The following JAZF1 variants were observed in gnomAD, a reference collection of about 807,000 sequenced individuals.
JAZF1 encodes the protein JAZF zinc finger 1.
A neutral mutation model predicts 26.4 loss-of-function variants in JAZF1; 8 were observed. The ratio of observed to expected loss-of-function variants is 0.30; its 90% CI spans 0.18 to 0.55. The LOEUF (loss-of-function observed/expected upper bound fraction) is 0.55. JAZF1 is among the 20% of genes least tolerant of loss of function. JAZF1 has a pLI of 0.94. For synonymous variants in JAZF1, 126 were observed against 122.3 expected, an observed-to-expected ratio of 1.03 and a Z score of -0.20; for missense variants, 199 against 322.0, an observed-to-expected ratio of 0.62 and a Z score of 2.92.
intron 1 of JAZF1, among the ~76,000 whole-genome samples, chr7:28,003,841 G>A (rs900776461): frequency 5.3e-5 from 8 of 152,008 alleles, no homozygotes; most frequent in African/African-American, 1.9e-4. Flanking sequence ...TATAAATTTA[G>A]GACAAGCTGG....
chr7:27,871,849 C>T (rs1230724493), intron 3 of JAZF1, among the ~76,000 whole-genome samples: 3 of 152,104 alleles, frequency 2.0e-5, no homozygotes, highest in South Asian at 2.1e-4. Flanking sequence ...GACTGTCACA[C>T]GAGAACTGTC....
At chr7:28,033,310 T>C (rs1050740289) in intron 1 of JAZF1, among the ~76,000 whole-genome samples, 12 of 152,154 alleles carry the variant, frequency 7.9e-5, no homozygotes, top group Admixed American at 3.3e-4. Flanking sequence ...TAGTGTGTAA[T>C]GTGGATAAAG....
chr7:27,959,717 T>C (rs1785158354), intron 2 of JAZF1, among the ~76,000 whole-genome samples: 1 of 151,654 alleles, frequency 6.6e-6, no homozygotes, highest in Non-Finnish European at 1.5e-5. Flanking sequence ...CTGACCAACA[T>C]GGCGAAACAC....
intron 3 of JAZF1, among the ~76,000 whole-genome samples, chr7:27,889,017 C>G (rs764190226): frequency 3.3e-5 from 5 of 152,162 alleles, no homozygotes; most frequent in Non-Finnish European, 7.3e-5. Context: ...AGTAATCTTT[C>G]TCCAGACAAC....
chr7:28,104,952 G>A (rs1224607181), intron 1 of JAZF1, among the ~76,000 whole-genome samples: 1 of 152,134 alleles, frequency 6.6e-6, no homozygotes, highest in Non-Finnish European at 1.5e-5. Context: ...TAGCCCTCAT[G>A]AAACAACCAT....
intron 3 of JAZF1, among the ~76,000 whole-genome samples, chr7:27,890,989 C>T (rs1783966275): frequency 6.6e-6 from 1 of 151,716 alleles, no homozygotes; most frequent in African/African-American, 2.4e-5. Context: ...GGGGTTTCAC[C>T]ATGTTGGCCA....
chr7:27,962,516 C>T (rs1562541796), intron 2 of JAZF1, among the ~76,000 whole-genome samples: 1 of 152,128 alleles, frequency 6.6e-6, no homozygotes, highest in Non-Finnish European at 1.5e-5. Flanking sequence ...ATCCTGGAAT[C>T]TCTGAGGGAC....
At chr7:27,965,640 T>A (rs891585525) in intron 2 of JAZF1, among the ~76,000 whole-genome samples, 2 of 152,208 alleles carry the variant, frequency 1.3e-5, no homozygotes, top group Non-Finnish European at 2.9e-5. Context: ...TGATCTTTAC[T>A]TGTGACAATA....
At chr7:28,035,521 A>G (rs1274367125) in intron 1 of JAZF1, among the ~76,000 whole-genome samples, 2 of 152,038 alleles carry the variant, frequency 1.3e-5, no homozygotes, top group Admixed American at 6.6e-5. Context: ...CATGTTTAAC[A>G]AACTCTTAAA....
chr7:27,934,101 G>C (rs2128350563), intron 2 of JAZF1, among the ~76,000 whole-genome samples: 1 of 152,318 alleles, frequency 6.6e-6, no homozygotes, highest in African/African-American at 2.4e-5. Context: ...TCCACATGGA[G>C]ATCTTACAGT....
At chr7:28,149,380 C>T (rs746247045) in intron 1 of JAZF1, among the ~76,000 whole-genome samples, 8 of 152,112 alleles carry the variant, frequency 5.3e-5, no homozygotes, top group Non-Finnish European at 1.0e-4. Flanking sequence ...GGCAACAGTT[C>T]ACCTATTTTT....
intron 1 of JAZF1, among the ~76,000 whole-genome samples, chr7:28,033,985 C>G (rs1216763702): frequency 2.0e-5 from 3 of 152,136 alleles, no homozygotes; most frequent in Non-Finnish European, 2.9e-5. Flanking sequence ...TCAGGTGATC[C>G]ACCTGCCTCG....
At chr7:27,906,631 A>G (rs1784262976) in intron 2 of JAZF1, among the ~76,000 whole-genome samples, 1 of 152,248 alleles carries the variant, frequency 6.6e-6, no homozygotes, top group South Asian at 2.1e-4. Flanking sequence ...GATTTACTTT[A>G]GCCTGAATAA....
At chr7:28,148,772 C>T (rs1305745676) in intron 1 of JAZF1, among the ~76,000 whole-genome samples, 1 of 152,160 alleles carries the variant, frequency 6.6e-6, no homozygotes, top group Non-Finnish European at 1.5e-5. Context: ...CATGAACTAG[C>T]TGTGAAGACA....
intron 2 of JAZF1, among the ~76,000 whole-genome samples, chr7:27,912,622 G>T (rs981367208): frequency 6.6e-6 from 1 of 152,074 alleles, no homozygotes; most frequent in African/African-American, 2.4e-5. Context: ...TAAGATTAAG[G>T]TTAAAATTAA....
At chr7:27,878,954 G>A (rs80197206) in intron 3 of JAZF1, among the ~76,000 whole-genome samples, 2,005 of 152,188 alleles carry the variant, frequency 0.013, 34 homozygotes, top group Non-Finnish European at 0.021. Context: ...CCATTCTTTT[G>A]AATATTCTGA....
intron 1 of JAZF1, among the ~76,000 whole-genome samples, chr7:28,175,593 C>T (rs1783538700): frequency 6.6e-6 from 1 of 152,208 alleles, no homozygotes; most frequent in Non-Finnish European, 1.5e-5. Context: ...AAGTGGCAGA[C>T]ATGTGTGTTC....
At chr7:27,915,141 T>C (rs1232260539) in intron 2 of JAZF1, among the ~76,000 whole-genome samples, 1 of 152,244 alleles carries the variant, frequency 6.6e-6, no homozygotes. Context: ...AAACTGGTCA[T>C]TAATTACTGG....
chr7:27,988,954 G>C (rs1432117618), intron 2 of JAZF1, among the ~76,000 whole-genome samples: 3 of 129,230 alleles, frequency 2.3e-5, no homozygotes, highest in Non-Finnish European at 4.9e-5. Context: ...AGTTCATATG[G>C]AACCAAAAAA....
Sources: gnomAD v4.1 joint callset for allele counts (sites outside exome capture counted in the v4.1 genomes callset) on GRCh38, gnomAD v4.1.1 for gene constraint, MANE v1.5 for transcripts, NCBI Gene and HGNC (gene_info 2026-07-23, HGNC 2026-07-21) for gene names.